XG: variants seen among roughly 807,000 people sequenced by gnomAD.
XG encodes the protein Xg glycoprotein (Xg blood group).
In XG, 24 loss-of-function variants were observed where a neutral mutation model predicts 25.7. The ratio of observed to expected loss-of-function variants is 0.93; its 90% CI spans 0.68 to 1.31. XG has a LOEUF of 1.31. Among genes scored for constraint, XG ranks in the 40% most tolerant of loss-of-function variants. The pLI is 0.00. For missense variants in XG, 181 were observed against 187.6 expected (o/e 0.96, Z 0.21); for synonymous variants, 77 against 69.2 (o/e 1.11, Z -0.56).
intron 3 of XG, among the ~76,000 whole-genome samples, chrX:2,781,159 C>A (rs2051111405): frequency 6.7e-6 from 1 of 148,508 alleles, no homozygotes; most frequent in African/African-American, 2.5e-5. Flanking sequence ...TATACAAAGG[C>A]TGGAATGTAA....
At chrX:2,779,984 C>A (rs781710407) in intron 3 of XG, among the ~76,000 whole-genome samples, 2 of 152,222 alleles carry the variant, frequency 1.3e-5, no homozygotes, top group East Asian at 3.9e-4. Context: ...TTACTCATAA[C>A]TCCTGATACG....
chrX:2,763,478 G>A (rs1397471499), intron 1 of XG, among the ~76,000 whole-genome samples: 2 of 151,918 alleles, frequency 1.3e-5, no homozygotes, highest in African/African-American at 2.4e-5. Context: ...GGCATGTGGC[G>A]GTGGGAGGGG....
At position 2,808,329 on chromosome X, in the gene XG, G is replaced by A. The variant is rs57383543; in HGVS notation, c.454+109G>A. On this transcript the variant is annotated intron_variant, in intron 9 of 10. Coordinates refer to ENST00000644266, the MANE Select transcript of XG (RefSeq NM_001141919.2). ...TGTTTCCCAACCTCATGACTTTCAC[G>A]GAGCACTCATACTTTGTATGTATAT... The A allele has an allele frequency of 2.2e-3, 2,159 of 986,888 alleles. 40 individuals are homozygous for A. The East Asian group carries it at 0.056, about 26-fold the overall frequency. The allele number at this position is 986,888 out of a possible 1,213,427, so 81.3% of individuals were successfully genotyped here. A position where few individuals can be genotyped will look rare whatever the true frequency, so the allele number is the denominator to read the frequency against.
intron 4 of XG, among the ~76,000 whole-genome samples, chrX:2,786,719 G>C (rs1202367690): frequency 9.0e-6 from 1 of 111,570 alleles, no homozygotes; most frequent in Non-Finnish European, 1.9e-5. Flanking sequence ...GGGCCTTTAA[G>C]AAGGAGATTA....
At chrX:2,783,327 G>C (rs1459313828) in intron 4 of XG, among the ~76,000 whole-genome samples, 1 of 84,088 alleles carries the variant, frequency 1.2e-5, no homozygotes, top group Non-Finnish European at 2.2e-5. Flanking sequence ...AAAAGAAAGA[G>C]AGTGAACGAG....
At chrX:2,793,944 C>T (rs1188626162) in intron 5 of XG, among the ~76,000 whole-genome samples, 1 of 110,383 alleles carries the variant, frequency 9.1e-6, no homozygotes, top group African/African-American at 3.3e-5. Context: ...GAGTCTCCTT[C>T]CGGGCTTGCT....
In XG at chrX:2,760,471, C is replaced by T. The variant is rs145525211; in HGVS notation, c.61+8136C>T. Among the ~76,000 whole-genome samples the T allele has an allele frequency of 3.8e-3, 581 of 150,976 alleles. 1 individual carries two copies. Among genetic ancestry groups the T allele is most frequent in the African/African-American group, 0.013 (533 of 41,182 alleles). ...GTGATTCAGGCTGGGTGCGGTGGCT[C>T]ATGCCTGTAATCCCAGCACTTTGGG... On this transcript the variant is annotated intron_variant, in intron 1 of 10. Coordinates refer to ENST00000644266, the MANE Select transcript of XG (RefSeq NM_001141919.2).
chrX:2,775,716 A>G lies in XG; in HGVS notation c.127+977A>G, dbSNP rs765064037. ...CACACCTGTAATCCCAGCGCTTTGAAAGGCCGAGGTGGGCAGATCATCTGA... is the reference window on the plus strand; with the variant it reads ...CACACCTGTAATCCCAGCGCTTTGAGAGGCCGAGGTGGGCAGATCATCTGA... On this transcript the variant is annotated intron_variant, in intron 3 of 10. Coordinates refer to ENST00000644266, the MANE Select transcript of XG (RefSeq NM_001141919.2). 1.3e-4 allele frequency among the ~76,000 whole-genome samples: 20 copies of G among 151,178 alleles called. No individual in the cohort carries two copies. The East Asian group carries it at 3.7e-3, about 28-fold the overall frequency.
intron 3 of XG, chrX:2,774,983 G>T: frequency 1.8e-6 from 1 of 565,718 alleles, no homozygotes. Flanking sequence ...ACAAGTGTTG[G>T]CAAGGATGTG....
Position 2,752,216 on chromosome X carries a change from G to A in XG, c.-59G>A. The A allele has an allele frequency of 6.2e-7, 1 of 1,612,312 alleles. No homozygotes were observed. The highest frequency in any genetic ancestry group is 1.7e-5 in the Admixed American group (1 of 59,940). ...CAACAACAGGAGGGTGGAGAGGCCG[G>A]GTCTCACAATCCGCTTGGCTGGGGA... On this transcript the variant is annotated 5_prime_UTR_variant, in exon 1 of 11. Transcript: ENST00000644266.
At chrX:2,789,512 A>G in intron 4 of XG, 132 bp from the exon 5 acceptor site, 1 of 380,280 alleles carries the variant, frequency 2.6e-6, no homozygotes, top group Non-Finnish European at 4.7e-6. Context: ...AATATTGTCT[A>G]CATGATTAAT....
At chrX:2,763,273 C>G (rs1226525134) in intron 1 of XG, among the ~76,000 whole-genome samples, 1 of 152,134 alleles carries the variant, frequency 6.6e-6, no homozygotes, top group Non-Finnish European at 1.5e-5. Flanking sequence ...CCTGGCCTCC[C>G]AAAGTGCTGG....
intron 1 of XG, among the ~76,000 whole-genome samples, chrX:2,769,268 G>C (rs311144): frequency 5.9e-5 from 9 of 152,252 alleles, no homozygotes; most frequent in Admixed American, 1.3e-4. Flanking sequence ...ACATCAGAGC[G>C]GGGGAGACCC....
At chrX:2,758,742 G>A (rs905204610) in intron 1 of XG, among the ~76,000 whole-genome samples, 12 of 151,938 alleles carry the variant, frequency 7.9e-5, no homozygotes, top group Non-Finnish European at 7.4e-5. Flanking sequence ...TGCACAGGAC[G>A]CCCCACAGAA....
chrX:2,776,388 G>A (rs2534625), intron 3 of XG, among the ~76,000 whole-genome samples: 68,302 of 149,152 alleles, frequency 0.46, 13,347 homozygotes, highest in Non-Finnish European at 0.57. Context: ...GATAGACGCG[G>A]GGCTTTGGGC....
intron 5 of XG, 110 bp from the exon 6 acceptor site, chrX:2,794,425 C>T (rs938467762): frequency 6.0e-6 from 5 of 836,935 alleles, no homozygotes; most frequent in Admixed American, 3.8e-5. Flanking sequence ...AGCCAGTTGG[C>T]GTCGGAACGC....
intron 4 of XG, among the ~76,000 whole-genome samples, chrX:2,783,403 G>T (rs2086751826): frequency 9.0e-6 from 1 of 110,749 alleles, no homozygotes; most frequent in Non-Finnish European, 1.9e-5. Context: ...AAAGGGGAAA[G>T]AAGAAAGGAA....
intron 1 of XG, among the ~76,000 whole-genome samples, chrX:2,768,840 C>G (rs1246679406): frequency 2.6e-5 from 4 of 152,060 alleles, no homozygotes; most frequent in Admixed American, 6.6e-5. Context: ...CAAAGATTTG[C>G]TGGGTTGTTC....
intron 6 of XG, among the ~76,000 whole-genome samples, chrX:2,796,089 CTTTA>C (rs1401518497): frequency 2.9e-5 from 3 of 103,685 alleles, no homozygotes; most frequent in African/African-American, 3.5e-5. Flanking sequence ...AATTATATAC[CTTTA>C]TTTATATATC....
Sources: gnomAD v4.1 joint callset for allele counts (sites outside exome capture counted in the v4.1 genomes callset) on GRCh38, gnomAD v4.1.1 for gene constraint, MANE v1.5 for transcripts, NCBI Gene and HGNC (gene_info 2026-07-23, HGNC 2026-07-21) for gene names.